The following TCF12 variants were observed in gnomAD, a reference collection of about 807,000 sequenced individuals.
TCF12 encodes the protein transcription factor 12.
TCF12 carries 45 observed loss-of-function variants against 86.0 expected under a neutral mutation model. The ratio of observed to expected loss-of-function variants is 0.52; its 90% CI spans 0.41 to 0.67. The LOEUF (loss-of-function observed/expected upper bound fraction) is 0.67. Ranked by LOEUF, TCF12 falls within the 30% of genes least tolerant of loss-of-function variation. TCF12 has a pLI of 0.00. For synonymous variants in TCF12, 330 were observed against 299.6 expected, an observed-to-expected ratio of 1.10 and a Z score of -1.05; for missense variants, 881 against 859.9, an observed-to-expected ratio of 1.02 and a Z score of -0.31.
intron 3 of TCF12, among the ~76,000 whole-genome samples, chr15:57,031,069 T>G (rs2066148756): frequency 6.6e-6 from 1 of 152,214 alleles, no homozygotes. Flanking sequence ...CTGTAGTAAC[T>G]TGTCTTCTAA....
At chr15:57,006,773 G>A (rs1272377081) in intron 3 of TCF12, among the ~76,000 whole-genome samples, 18 of 151,488 alleles carry the variant, frequency 1.2e-4, no homozygotes, top group African/African-American at 4.1e-4. Context: ...AAAAATGAGC[G>A]AGTGTGGTGG....
intron 5 of TCF12, among the ~76,000 whole-genome samples, chr15:57,138,822 C>T (rs1803159622): frequency 6.6e-6 from 1 of 152,078 alleles, no homozygotes; most frequent in Non-Finnish European, 1.5e-5. Flanking sequence ...TAAGCGCGTG[C>T]TACCAATTGA....
intron 8 of TCF12, among the ~76,000 whole-genome samples, chr15:57,224,753 C>G (rs1479483662): frequency 6.6e-6 from 1 of 152,108 alleles, no homozygotes; most frequent in Non-Finnish European, 1.5e-5. Flanking sequence ...TACAGAATTT[C>G]AAGTTGTATT....
At chr15:56,952,642 T>C (rs1382090155) in intron 3 of TCF12, among the ~76,000 whole-genome samples, 1 of 152,292 alleles carries the variant, frequency 6.6e-6, no homozygotes, top group Non-Finnish European at 1.5e-5. Context: ...GATACTGTTA[T>C]ATATGGCATT....
intron 3 of TCF12, among the ~76,000 whole-genome samples, chr15:56,925,430 A>G (rs1165416921): frequency 1.3e-5 from 2 of 152,176 alleles, no homozygotes; most frequent in Non-Finnish European, 1.5e-5. Flanking sequence ...ATCCTTTGCT[A>G]TATCTTTGAG....
intron 3 of TCF12, among the ~76,000 whole-genome samples, chr15:57,012,796 C>G (rs2064911181): frequency 6.6e-6 from 1 of 152,128 alleles, no homozygotes. Flanking sequence ...TTAAGGGGAA[C>G]TTGGTGGTTT....
At chr15:57,055,484 G>A (rs2067950688) in intron 3 of TCF12, among the ~76,000 whole-genome samples, 1 of 152,112 alleles carries the variant, frequency 6.6e-6, no homozygotes, top group East Asian at 1.9e-4. Flanking sequence ...CTGGTAATGA[G>A]TTCTTAATTT....
At chr15:57,020,309 A>C (rs1393228666) in intron 3 of TCF12, among the ~76,000 whole-genome samples, 1 of 152,150 alleles carries the variant, frequency 6.6e-6, no homozygotes, top group Non-Finnish European at 1.5e-5. Flanking sequence ...GCTCATCTTG[A>C]GGTCTTCTTG....
intron 20 of TCF12, among the ~76,000 whole-genome samples, chr15:57,284,985 T>C (rs1177279386): frequency 1.3e-5 from 2 of 152,270 alleles, no homozygotes; most frequent in Admixed American, 6.5e-5. Flanking sequence ...CATCAAGATA[T>C]GAGACATGTA....
At chr15:57,141,929 T>A (rs1469765131) in intron 5 of TCF12, among the ~76,000 whole-genome samples, 2 of 152,172 alleles carry the variant, frequency 1.3e-5, no homozygotes, top group Non-Finnish European at 2.9e-5. Context: ...ATTTCAAGCT[T>A]GAATGACATA....
chr15:57,057,301 GTC>G (rs1166777571), intron 3 of TCF12, among the ~76,000 whole-genome samples: 2 of 152,178 alleles, frequency 1.3e-5, no homozygotes, highest in African/African-American at 2.4e-5. Flanking sequence ...TGGTTGTCCT[GTC>G]TCTGTCCTCT....
intron 18 of TCF12, among the ~76,000 whole-genome samples, chr15:57,264,824 G>A (rs1441437746): frequency 6.6e-6 from 1 of 152,074 alleles, no homozygotes; most frequent in African/African-American, 2.4e-5. Context: ...CTGCCTCCCG[G>A]GTTCAAGCAG....
chr15:57,075,758 T>TTTTTCTTTC (rs2069839574), intron 4 of TCF12, among the ~76,000 whole-genome samples: 1 of 91,224 alleles, frequency 1.1e-5, no homozygotes, highest in African/African-American at 4.1e-5. Context: ...ATGAGGTTTC[T>TTTTTCTTTC]TTTCTTTCTT....
chr15:57,219,500 T>G, intron 8 of TCF12: 1 of 1,609,374 alleles, frequency 6.2e-7, no homozygotes, highest in African/African-American at 1.3e-5. Flanking sequence ...TAGCTACAAA[T>G]AGTAACATTT....
chr15:57,274,781 C>T (rs2061303780), intron 19 of TCF12, among the ~76,000 whole-genome samples: 1 of 152,198 alleles, frequency 6.6e-6, no homozygotes, highest in African/African-American at 2.4e-5. Context: ...GTCTGGTCAA[C>T]AGGAGTACCA....
intron 8 of TCF12, among the ~76,000 whole-genome samples, chr15:57,220,927 G>A (rs1413587223): frequency 6.6e-6 from 1 of 152,006 alleles, no homozygotes; most frequent in South Asian, 2.1e-4. Flanking sequence ...TAATGTTAAT[G>A]TTTTAAGTTA....
intron 4 of TCF12, among the ~76,000 whole-genome samples, chr15:57,091,346 A>G (rs768106902): frequency 5.9e-5 from 9 of 152,212 alleles, no homozygotes; most frequent in Non-Finnish European, 1.2e-4. Flanking sequence ...GGGAGTGAAT[A>G]GGAGGATAAA....
At chr15:57,052,331 G>C (rs575234669) in intron 3 of TCF12, among the ~76,000 whole-genome samples, 3 of 152,188 alleles carry the variant, frequency 2.0e-5, no homozygotes, top group African/African-American at 7.2e-5. Flanking sequence ...GATTGGGAGA[G>C]TGAACATAAG....
intron 5 of TCF12, among the ~76,000 whole-genome samples, chr15:57,106,230 G>GA (rs1189405628): frequency 6.6e-6 from 1 of 152,114 alleles, no homozygotes; most frequent in Non-Finnish European, 1.5e-5. Context: ...TACATAGGTA[G>GA]AAAAAATAGT....
Sources: gnomAD v4.1 joint callset for allele counts (sites outside exome capture counted in the v4.1 genomes callset) on GRCh38, gnomAD v4.1.1 for gene constraint, MANE v1.5 for transcripts, NCBI Gene and HGNC (gene_info 2026-07-23, HGNC 2026-07-21) for gene names.